CHST9: variants seen among roughly 807,000 people sequenced by gnomAD.
CHST9 encodes GalNAc-4-sulfotransferase 2.
In CHST9, 41 loss-of-function variants were observed where a neutral mutation model predicts 44.4. The ratio of observed to expected loss-of-function variants is 0.92; its 90% CI spans 0.72 to 1.20. The LOEUF (loss-of-function observed/expected upper bound fraction) is 1.20, where lower values mean the gene tolerates loss of function less well. Ranked by LOEUF, CHST9 falls within the 50% of genes most tolerant of loss-of-function variation. CHST9 has a pLI of 0.00. For synonymous variants in CHST9, 171 were observed against 178.4 expected (o/e 0.96, Z 0.33); for missense variants, 504 against 516.5 (o/e 0.98, Z 0.23).
intron 2 of CHST9, among the ~76,000 whole-genome samples, chr18:27,105,373 T>TTAGG (rs1328705827): frequency 2.0e-5 from 3 of 152,174 alleles, no homozygotes; most frequent in African/African-American, 7.2e-5. Context: ...CTAAGAAGAC[T>TTAGG]TCTGTCTTTG....
At chr18:27,148,180 A>T (rs1365486745) in intron 1 of CHST9, among the ~76,000 whole-genome samples, 1 of 152,104 alleles carries the variant, frequency 6.6e-6, no homozygotes. Flanking sequence ...CCACGTTTCC[A>T]CAAAGGACAT....
chr18:27,047,178 C>A (rs183443608), intron 3 of CHST9, among the ~76,000 whole-genome samples: 53 of 152,084 alleles, frequency 3.5e-4, no homozygotes, highest in African/African-American at 1.3e-3. Flanking sequence ...ATTGAGGGAA[C>A]CTAATGAGGC....
chr18:26,936,916 C>T (rs558891912), intron 5 of CHST9, among the ~76,000 whole-genome samples: 13 of 152,168 alleles, frequency 8.5e-5, no homozygotes, highest in South Asian at 4.2e-4. Flanking sequence ...ATTTTCAGTA[C>T]GGAGTTTCAG....
At chr18:26,950,976 T>TA (rs1006832301) in intron 4 of CHST9, among the ~76,000 whole-genome samples, 8 of 152,150 alleles carry the variant, frequency 5.3e-5, no homozygotes, top group South Asian at 4.1e-4. Flanking sequence ...AGGGAAAAAA[T>TA]AAAAAAATTG....
chr18:27,015,737 C>T lies in CHST9; in HGVS notation c.202+8379G>A, dbSNP rs139340288. 4.4e-4 allele frequency among the ~76,000 whole-genome samples: 67 copies of T among 152,266 alleles called. No homozygotes were observed. In the East Asian group the frequency reaches 0.011, roughly 26 times the overall value. ...TTTCAGGCCTTCTTTTCCTTTATCA[C>T]TCTGCATCATTTCTATGAATTCTTT... On this transcript the variant is annotated intron_variant, in intron 4 of 5. Coordinates refer to ENST00000618847, the MANE Select transcript of CHST9 (RefSeq NM_031422.6).
chr18:26,910,619 C>G lies in CHST9; in HGVS notation c.*5640G>C, dbSNP rs147565329. ...TGTCATTAATGAGGCCCAATGTTGG[C>G]AGCTAATTCAGATGTTAAATAAAAT... is the stretch of plus-strand genomic sequence containing the variant. On this transcript the variant is annotated 3_prime_UTR_variant, in exon 6 of 6. Coordinates refer to ENST00000618847, the MANE Select transcript of CHST9 (RefSeq NM_031422.6). 96 of 152,314 alleles carry G rather than the reference C, an allele frequency of 6.3e-4. No individual in the cohort carries two copies. Among genetic ancestry groups the G allele is most frequent in the African/African-American group, 2.2e-3 (91 of 41,566 alleles). 9.4% of individuals were successfully genotyped at this position (152,314 alleles called of 1,614,324 possible).
chr18:27,021,560 C>T (rs1384308827), intron 4 of CHST9, among the ~76,000 whole-genome samples: 2 of 152,180 alleles, frequency 1.3e-5, no homozygotes, highest in African/African-American at 4.8e-5. Context: ...CTCCAGAGTA[C>T]ACAGGTGTGG....
intron 4 of CHST9, among the ~76,000 whole-genome samples, chr18:26,984,004 C>G (rs982377246): frequency 2.0e-5 from 3 of 152,178 alleles, no homozygotes; most frequent in Non-Finnish European, 4.4e-5. Context: ...TTTTCAACCC[C>G]TTTACCAGCT....
chr18:26,984,673 C>T (rs894325502), intron 4 of CHST9, among the ~76,000 whole-genome samples: 1 of 131,086 alleles, frequency 7.6e-6, no homozygotes, highest in Non-Finnish European at 1.6e-5. Context: ...GTCAATCTCT[C>T]AGAAAAATGA....
At chr18:27,170,245 G>C (rs1307046935) in intron 1 of CHST9, among the ~76,000 whole-genome samples, 1 of 152,106 alleles carries the variant, frequency 6.6e-6, no homozygotes, top group Non-Finnish European at 1.5e-5. Flanking sequence ...CATCCTATAA[G>C]ATTCTCACAT....
At chr18:26,946,077 T>G (rs2056157944) in intron 4 of CHST9, among the ~76,000 whole-genome samples, 1 of 152,216 alleles carries the variant, frequency 6.6e-6, no homozygotes, top group South Asian at 2.1e-4. Flanking sequence ...ACTCGCCAGA[T>G]AATAAGAATC....
At chr18:27,100,932 G>A (rs964585183) in intron 2 of CHST9, among the ~76,000 whole-genome samples, 20 of 152,198 alleles carry the variant, frequency 1.3e-4, no homozygotes, top group African/African-American at 4.8e-4. Flanking sequence ...TGGGACAGAG[G>A]AGATTGTTGC....
At chr18:27,091,478 C>A (rs2058068472) in intron 2 of CHST9, among the ~76,000 whole-genome samples, 1 of 152,146 alleles carries the variant, frequency 6.6e-6, no homozygotes, top group Admixed American at 6.5e-5. Flanking sequence ...ATTTCCAACA[C>A]TATGTTGAAT....
At chr18:27,054,618 A>G (rs539143135) in intron 2 of CHST9, among the ~76,000 whole-genome samples, 82 of 152,316 alleles carry the variant, frequency 5.4e-4, no homozygotes, top group African/African-American at 1.8e-3. Flanking sequence ...TATTACATAT[A>G]TGTCAATTTA....
intron 1 of CHST9, among the ~76,000 whole-genome samples, chr18:27,178,534 G>A (rs2058886075): frequency 6.6e-6 from 1 of 151,934 alleles, no homozygotes; most frequent in Non-Finnish European, 1.5e-5. Flanking sequence ...GTAGACAGAA[G>A]TAAGAAAGTT....
rs1461017108 is a variant in CHST9 at position 26,914,919 on chromosome 18, AG to A, written c.*1339del. ...TGTGATTTTCTTAACTCGGGGTAAA[AG>A]TCGACCAATTAAAGTAGGTTTCCCA... On this transcript the variant is annotated 3_prime_UTR_variant, in exon 6 of 6. Transcript: ENST00000618847. 1 of 397,916 alleles carries A rather than the reference AG, an allele frequency of 2.5e-6. No individual in the cohort carries two copies. The highest frequency in any genetic ancestry group is 2.1e-5 in the African/African-American group (1 of 48,600). The allele number at this position is 397,916 out of a possible 1,614,324, so 24.6% of individuals were successfully genotyped here.
intron 4 of CHST9, among the ~76,000 whole-genome samples, chr18:26,971,731 G>T (rs1421301647): frequency 1.3e-5 from 2 of 152,154 alleles, no homozygotes; most frequent in African/African-American, 4.8e-5. Flanking sequence ...ATTGGCCAAA[G>T]CAAGTCACAC....
At chr18:26,983,547 GC>G (rs2056718753) in intron 4 of CHST9, among the ~76,000 whole-genome samples, 1 of 152,132 alleles carries the variant, frequency 6.6e-6, no homozygotes, top group Admixed American at 6.5e-5. Context: ...CCGAGCAGAT[GC>G]CAGCTTCGTG....
chr18:27,034,788 C>T (rs186423117), intron 3 of CHST9, among the ~76,000 whole-genome samples: 92 of 152,276 alleles, frequency 6.0e-4, no homozygotes, highest in African/African-American at 2.1e-3. Flanking sequence ...TGATGCCTGT[C>T]TACAACTCCT....
Sources: allele counts gnomAD v4.1 joint callset (sites outside exome capture counted in the v4.1 genomes callset), GRCh38; gene constraint gnomAD v4.1.1; transcripts MANE v1.5; gene names NCBI Gene and HGNC (gene_info 2026-07-23, HGNC 2026-07-21).